KIRREL3: variants seen among roughly 807,000 people sequenced by gnomAD.
KIRREL3 encodes kirre like nephrin family adhesion molecule 3, also known as kin of IRRE-like protein 3.
KIRREL3 carries 36 observed loss-of-function variants against 89.7 expected under a neutral mutation model. The observed-to-expected ratio is 0.40, with a 90% confidence interval of 0.31 to 0.53. The LOEUF (loss-of-function observed/expected upper bound fraction) is 0.53, where lower values mean the gene tolerates loss of function less well. Ranked by LOEUF, KIRREL3 falls within the 20% of genes least tolerant of loss-of-function variation. The pLI is 0.49. For synonymous variants in KIRREL3, 445 were observed against 441.4 expected, an observed-to-expected ratio of 1.01 and a Z score of -0.10; for missense variants, 864 against 1,056.6, an observed-to-expected ratio of 0.82 and a Z score of 2.53.
chr11:126,687,020 CAGGA>C lies in KIRREL3; in HGVS notation c.56-124112_56-124109del, dbSNP rs1946690262. The stretch of plus-strand genomic sequence containing the variant: ...GCAGTAGAGGAGTATGGCTAGAAGG[CAGGA>C]CAATGAGGATGACAGGCCAGAGGTG... On this transcript the variant is annotated intron_variant, in intron 1 of 16. Transcript: ENST00000525144. The surrounding 1 kb of genome is among the most constrained non-coding windows in gnomAD (Gnocchi z 4.6). Among the ~76,000 whole-genome samples, 1 of 152,158 alleles carries C rather than the reference CAGGA, an allele frequency of 6.6e-6. No individual in the cohort carries two copies. Among genetic ancestry groups the C allele is most frequent in the Non-Finnish European group, 1.5e-5 (1 of 68,038 alleles).
At chr11:126,457,359 CTG>C (rs72429732) in intron 6 of KIRREL3, among the ~76,000 whole-genome samples, 2 of 126,938 alleles carry the variant, frequency 1.6e-5, no homozygotes, top group Non-Finnish European at 1.6e-5. Context: ...ATGTATGTCT[CTG>C]TGTGTATGCG....
Position 126,424,167 on chromosome 11 carries a change from CAG to C in KIRREL3, c.*411_*412del. 1 of 239,744 alleles carries C rather than the reference CAG, an allele frequency of 4.2e-6. No individual in the cohort carries two copies. Among genetic ancestry groups the C allele is most frequent in the Non-Finnish European group, 8.3e-6 (1 of 121,052 alleles). The allele number at this position is 239,744 out of a possible 1,614,324, so 14.9% of individuals were successfully genotyped here. A position where few individuals can be genotyped will look rare whatever the true frequency, so the allele number is the denominator to read the frequency against. ...CCAGGGCTGTATGGGAGCACAGGCA[CAG>C]GGGTAGGTAGAGCTTCTGGTCAGCG... On this transcript the variant is annotated 3_prime_UTR_variant, in exon 17 of 17. Coordinates refer to ENST00000525144, the MANE Select transcript of KIRREL3 (RefSeq NM_032531.4).
At position 126,562,973 on chromosome 11, in the gene KIRREL3, G is replaced by A. The variant is rs140551088; in HGVS notation, c.56-61C>T. ...GGAACAGGTCAGGCATTGTTGGGGGGCCCTCTGCAGGGGGCTGTGGAGCTT... is the reference window on the plus strand; with the variant it reads ...GGAACAGGTCAGGCATTGTTGGGGGACCCTCTGCAGGGGGCTGTGGAGCTT... On this transcript the variant is annotated intron_variant, in intron 1 of 16. Transcript: ENST00000525144. This position sits in a 1 kb window ranked among gnomAD's most constrained non-coding sequence, Gnocchi z 4.7. 44 of 1,281,858 alleles carry A rather than the reference G, an allele frequency of 3.4e-5. No homozygotes were observed. The Admixed American group carries it at 5.5e-4, about 16-fold the overall frequency. 79.4% of individuals were successfully genotyped at this position (1,281,858 alleles called of 1,614,324 possible).
chr11:126,960,110 T>C (rs1002115277), intron 1 of KIRREL3, among the ~76,000 whole-genome samples: 6 of 152,076 alleles, frequency 3.9e-5, no homozygotes, highest in African/African-American at 1.4e-4. Flanking sequence ...TGGAAGTCCA[T>C]GGGGTATAGG....
At chr11:126,549,032 C>G (rs1939045029) in intron 2 of KIRREL3, among the ~76,000 whole-genome samples, 2 of 152,146 alleles carry the variant, frequency 1.3e-5, no homozygotes, top group Non-Finnish European at 2.9e-5. Flanking sequence ...TTTTGAGATC[C>G]TTTTATGAAT....
chr11:126,682,559 C>A lies in KIRREL3; in HGVS notation c.56-119647G>T, dbSNP rs147618237. Among the ~76,000 whole-genome samples the A allele has an allele frequency of 2.0e-5, 3 of 152,138 alleles. No homozygotes were observed. The highest frequency in any genetic ancestry group is 4.4e-5 in the Non-Finnish European group (3 of 68,022). Reference sequence around the variant, plus strand: ...ATTTTTTAAAGACAGTGGTCCCCAGCATTTTTGGCACCAGGGACAGGTTTC... The same window carrying A: ...ATTTTTTAAAGACAGTGGTCCCCAGAATTTTTGGCACCAGGGACAGGTTTC... On this transcript the variant is annotated intron_variant, in intron 1 of 16. Transcript: ENST00000525144. This position sits in a 1 kb window ranked among gnomAD's most constrained non-coding sequence, Gnocchi z 4.8.
intron 12 of KIRREL3, among the ~76,000 whole-genome samples, chr11:126,436,359 T>C (rs969452474): frequency 6.6e-6 from 1 of 152,246 alleles, no homozygotes; most frequent in Admixed American, 6.5e-5. Flanking sequence ...GCTTGTCATC[T>C]TAACTGTGAC....
At chr11:126,619,789 C>T (rs1943504422) in intron 1 of KIRREL3, among the ~76,000 whole-genome samples, 1 of 152,220 alleles carries the variant, frequency 6.6e-6, no homozygotes, top group South Asian at 2.1e-4. Flanking sequence ...GACCTTTTTA[C>T]TCAAGAATTA....
At chr11:126,941,819 A>T (rs1279660865) in intron 1 of KIRREL3, among the ~76,000 whole-genome samples, 1 of 152,204 alleles carries the variant, frequency 6.6e-6, no homozygotes. Context: ...CTAACTCCTC[A>T]GTGGGCTCAA....
chr11:126,552,550 G>GTATTTTTTT (rs201214323), intron 2 of KIRREL3, among the ~76,000 whole-genome samples: 10 of 81,766 alleles, frequency 1.2e-4, no homozygotes, highest in African/African-American at 4.3e-4. Context: ...AGAGAGAAAA[G>GTATTTTTTT]TTTTTTTTTT....
In KIRREL3 at chr11:126,563,362, G is replaced by A. The variant is rs543277083; in HGVS notation, c.56-450C>T. 1.3e-5 allele frequency among the ~76,000 whole-genome samples: 2 copies of A among 152,342 alleles called. No individual in the cohort carries two copies. Among genetic ancestry groups the A allele is most frequent in the African/African-American group, 4.8e-5 (2 of 41,584 alleles). Reference sequence around the variant, plus strand: ...GATGATGCAGAATCTATCCAGTCGTGTCTAGGATGGAACAGTGCAACCAGA... The same window carrying A: ...GATGATGCAGAATCTATCCAGTCGTATCTAGGATGGAACAGTGCAACCAGA... On this transcript the variant is annotated intron_variant, in intron 1 of 16. Transcript: ENST00000525144. This position sits in a 1 kb window ranked among gnomAD's most constrained non-coding sequence, Gnocchi z 6.8.
At chr11:126,902,673 A>G (rs1946419434) in intron 1 of KIRREL3, among the ~76,000 whole-genome samples, 1 of 152,252 alleles carries the variant, frequency 6.6e-6, no homozygotes, top group Non-Finnish European at 1.5e-5. Flanking sequence ...ATTGAGGCAG[A>G]TGAATGAGAA....
In KIRREL3 at chr11:126,568,598, GA is replaced by G. The variant is rs879309508; in HGVS notation, c.56-5687del. Among the ~76,000 whole-genome samples, 1 of 152,222 alleles carries G rather than the reference GA, an allele frequency of 6.6e-6. No homozygotes were observed. Among genetic ancestry groups the G allele is most frequent in the Admixed American group, 6.5e-5 (1 of 15,290 alleles). ...GCCACATGGGGCAGGGGAGGTTTCA[GA>G]ACTAACAGAGCTGGCTGGAGCCATG... On this transcript the variant is annotated intron_variant, in intron 1 of 16. Coordinates refer to ENST00000525144, the MANE Select transcript of KIRREL3 (RefSeq NM_032531.4). The surrounding 1 kb of genome is among the most constrained non-coding windows in gnomAD (Gnocchi z 4.6).
At position 126,923,098 on chromosome 11, in the gene KIRREL3, T is replaced by TCTTCTCCTTCTCCTTCTCCTTCTCCTC. The variant is rs1565422274; in HGVS notation, c.55+77356_55+77357insGAGGAGAAGGAGAAGGAGAAGGAGAAG. On this transcript the variant is annotated intron_variant, in intron 1 of 16. Coordinates refer to ENST00000525144, the MANE Select transcript of KIRREL3 (RefSeq NM_032531.4). ...CTTGCCTTGTGGATCTTCTTCTTCTTCTTCTCCTTCTCCTTCTCCTTCTCC... is the reference window on the plus strand; with the variant it reads ...CTTGCCTTGTGGATCTTCTTCTTCTTCTTCTCCTTCTCCTTCTCCTTCTCCTCCTTCTCCTTCTCCTTCTCCTTCTCC... Among the ~76,000 whole-genome samples, 137 of 89,160 alleles carry TCTTCTCCTTCTCCTTCTCCTTCTCCTC rather than the reference T, an allele frequency of 1.5e-3. 14 individuals carry two copies. The highest frequency in any genetic ancestry group is 1.6e-3 in the Non-Finnish European group (71 of 43,068). The allele number at this position is 89,160 out of a possible 152,430, so 58.5% of individuals were successfully genotyped here.
Position 126,906,370 on chromosome 11 carries a change from G to C in KIRREL3, c.55+94085C>G, listed in dbSNP as rs1441816124. On this transcript the variant is annotated intron_variant, in intron 1 of 16. Coordinates refer to ENST00000525144, the MANE Select transcript of KIRREL3 (RefSeq NM_032531.4). The surrounding 1 kb of genome is among the most constrained non-coding windows in gnomAD (Gnocchi z 4.1). ...AGGTAGGGAGGTATTGGGAGAACTG[G>C]AATGATCAGTCTTATCAAAAGAGGG... 6.6e-6 allele frequency among the ~76,000 whole-genome samples: 1 copy of C among 152,174 alleles called. No homozygotes were observed. Among genetic ancestry groups the C allele is most frequent in the Non-Finnish European group, 1.5e-5 (1 of 68,016 alleles).
In KIRREL3 at chr11:126,526,351, G is replaced by A. The variant is rs1338942884; in HGVS notation, c.283+187C>T. Among the ~76,000 whole-genome samples the A allele has an allele frequency of 6.6e-6, 1 of 152,184 alleles. No individual in the cohort carries two copies. The highest frequency in any genetic ancestry group is 1.5e-5 in the Non-Finnish European group (1 of 68,018). On this transcript the variant is annotated intron_variant, in intron 3 of 16. Coordinates refer to ENST00000525144, the MANE Select transcript of KIRREL3 (RefSeq NM_032531.4). The surrounding 1 kb of genome is among the most constrained non-coding windows in gnomAD (Gnocchi z 5.7). ...GCTTATGGTTCATTATGCACATCAGGGGCCCTCAGAGTCTAGGGATGCTGG... is the reference window on the plus strand; with the variant it reads ...GCTTATGGTTCATTATGCACATCAGAGGCCCTCAGAGTCTAGGGATGCTGG...
At chr11:126,743,902 G>A (rs551548034) in intron 1 of KIRREL3, among the ~76,000 whole-genome samples, 36 of 152,270 alleles carry the variant, frequency 2.4e-4, no homozygotes, top group African/African-American at 7.5e-4. Flanking sequence ...GAGACCCACA[G>A]CATGCATGCA....
chr11:126,536,318 C>T (rs1937867748), intron 2 of KIRREL3, among the ~76,000 whole-genome samples: 1 of 151,950 alleles, frequency 6.6e-6, no homozygotes, highest in Non-Finnish European at 1.5e-5. Flanking sequence ...ATCCTGGTGC[C>T]CATAGAGGCT....
intron 1 of KIRREL3, among the ~76,000 whole-genome samples, chr11:126,945,270 G>A (rs942024620): frequency 6.6e-6 from 1 of 152,166 alleles, no homozygotes; most frequent in African/African-American, 2.4e-5. Flanking sequence ...AGGCATCCCA[G>A]TGTCTATAGC....
Sources: allele counts gnomAD v4.1 joint callset (sites outside exome capture counted in the v4.1 genomes callset), GRCh38; gene constraint gnomAD v4.1.1; non-coding constraint Gnocchi (gnomAD v3.1); transcripts MANE v1.5; gene names NCBI Gene and HGNC (gene_info 2026-07-23, HGNC 2026-07-21).